The following DOC2A variants were observed in gnomAD, a reference collection of about 807,000 sequenced individuals.
The protein encoded by DOC2A is double C2 domain alpha.
In DOC2A, 28 loss-of-function variants were observed where a neutral mutation model predicts 40.6. That is an observed-to-expected ratio of 0.69 (90% CI 0.51 to 0.95). DOC2A has a LOEUF of 0.95. Ranked by LOEUF, DOC2A falls within the 40% of genes least tolerant of loss-of-function variation. The pLI is 0.00. For missense variants in DOC2A, 474 were observed against 552.5 expected, an observed-to-expected ratio of 0.86 and a Z score of 1.42; for synonymous variants, 241 against 236.9, an observed-to-expected ratio of 1.02 and a Z score of -0.16.
intron 1 of DOC2A, among the ~76,000 whole-genome samples, chr16:30,020,429 C>G (rs1047229206): frequency 2.0e-5 from 3 of 152,058 alleles, no homozygotes; most frequent in African/African-American, 7.2e-5. Context: ...TAGAAGTGAT[C>G]TGCATGGCGG....
At chr16:30,008,194 C>A (rs546313659) in intron 5 of DOC2A, 1 of 153,178 alleles carries the variant, frequency 6.5e-6, no homozygotes, top group Non-Finnish European at 1.5e-5. Context: ...CTCCCTACAT[C>A]TCCATCTCCT....
At position 30,006,134 on chromosome 16, in the gene DOC2A, G is replaced by A. The variant is rs957502122; in HGVS notation, c.*52C>T. On this transcript the variant is annotated 3_prime_UTR_variant, in exon 11 of 11. Coordinates refer to ENST00000350119, the MANE Select transcript of DOC2A (RefSeq NM_003586.3). The surrounding 1 kb of genome is among the most constrained non-coding windows in gnomAD (Gnocchi z 6.2). ...AAACGTGCAACACACTCGTGCGAAG[G>A]TTGGGTACTGGACCCGGCTCGATGG... 6.5e-6 allele frequency: 10 copies of A among 1,535,936 alleles called. No individual in the cohort carries two copies. In the African/African-American group the frequency reaches 1.2e-4, roughly 19 times the overall value.
chr16:30,005,551 T>G lies in DOC2A; in HGVS notation c.*635A>C. 9.4e-7 allele frequency: 1 copy of G among 1,060,254 alleles called. No individual in the cohort carries two copies. Among genetic ancestry groups the G allele is most frequent in the Non-Finnish European group, 1.4e-6 (1 of 719,556 alleles). 65.7% of individuals were successfully genotyped at this position (1,060,254 alleles called of 1,614,324 possible). A position where few individuals can be genotyped will look rare whatever the true frequency, so the allele number is the denominator to read the frequency against. On this transcript the variant is annotated 3_prime_UTR_variant, in exon 11 of 11. Coordinates refer to ENST00000350119, the MANE Select transcript of DOC2A (RefSeq NM_003586.3). ...GTTTATTGATGCCCAGCTGCCATGC[T>G]CCGGCCACTGACACAACCAGAAAAG...
intron 1 of DOC2A, among the ~76,000 whole-genome samples, chr16:30,020,075 A>AT (rs1444453860): frequency 1.3e-5 from 2 of 151,932 alleles, no homozygotes; most frequent in Non-Finnish European, 2.9e-5. Context: ...CACCCGGCTT[A>AT]TTTTTGTATT....
In DOC2A at chr16:30,010,238, A is replaced by G. The variant is rs372117296; in HGVS notation, c.-13-3T>C. On this transcript the variant is annotated splice_region_variant and splice_polypyrimidine_tract_variant and intron_variant, in intron 1 of 10. Transcript: ENST00000350119. The surrounding 1 kb of genome is among the most constrained non-coding windows in gnomAD (Gnocchi z 4.2). ...GGCCCCTCATGCAGCACCCCTGGCT[A>G]GGAGAGGGCGTGTGAGCCAGTGAGC... The G allele has an allele frequency of 3.1e-6, 5 of 1,613,016 alleles. No homozygotes were observed. The highest frequency in any genetic ancestry group is 1.3e-5 in the African/African-American group (1 of 74,930).
Position 30,006,922 on chromosome 16 carries a change from C to T in DOC2A, c.741G>A (p.Gly247=), listed in dbSNP as rs2070621517. ...GGATGCGGCCACGCTCCTCCAGCAG[C>T]CCCTGCCCCTGCTCCGCCTGCTCCA... ...KELEQAEQGQ[G]LLEERGRILL... is the part of the protein sequence containing the mutation. Residue 247 remains glycine, a synonymous_variant, in exon 8 of 11, where the codon GGG becomes GGA. Transcript: ENST00000350119. This position sits in a 1 kb window ranked among gnomAD's most constrained non-coding sequence, Gnocchi z 6.2. The T allele has an allele frequency of 1.2e-6, 2 of 1,613,120 alleles. No homozygotes were observed. Among genetic ancestry groups the T allele is most frequent in the Non-Finnish European group, 1.7e-6 (2 of 1,179,560 alleles).
chr16:30,008,530 T>A (rs1280467604), intron 5 of DOC2A: 1 of 177,734 alleles, frequency 5.6e-6, no homozygotes, highest in Non-Finnish European at 1.2e-5. Flanking sequence ...GTTTTTGAGA[T>A]GGAGTCTCCA....
chr16:30,009,912 G>A lies in DOC2A; in HGVS notation c.262+49C>T. ...TCCCCCTCTCCCCCCACCACGGCAA[G>A]CCTGGAGACCCCCACCAGCACATGG... On this transcript the variant is annotated intron_variant, in intron 2 of 10. Coordinates refer to ENST00000350119, the MANE Select transcript of DOC2A (RefSeq NM_003586.3). The surrounding 1 kb of genome is among the most constrained non-coding windows in gnomAD (Gnocchi z 4.1). The A allele has an allele frequency of 1.2e-6, 2 of 1,603,374 alleles. No homozygotes were observed. The highest frequency in any genetic ancestry group is 1.7e-6 in the Non-Finnish European group (2 of 1,175,646).
Position 30,006,412 on chromosome 16 carries a change from C to G in DOC2A, c.1057+1G>C. 3.7e-6 allele frequency: 6 copies of G among 1,613,842 alleles called. No individual in the cohort carries two copies. Among genetic ancestry groups the G allele is most frequent in the Non-Finnish European group, 5.1e-6 (6 of 1,179,958 alleles). On this transcript the variant is annotated splice_donor_variant, in intron 10 of 10. Coordinates refer to ENST00000350119, the MANE Select transcript of DOC2A (RefSeq NM_003586.3). LOFTEE classifies it high-confidence loss of function. This position sits in a 1 kb window ranked among gnomAD's most constrained non-coding sequence, Gnocchi z 6.2. The stretch of plus-strand genomic sequence containing the variant: ...ACACCCGCAGCCAGCTCCTCCCTCA[C>G]CAATGAAGTCATTGGATTTGCCAAT...
At chr16:30,015,836 G>A (rs894431701), upstream of DOC2A, among the ~76,000 whole-genome samples, 26 of 149,308 alleles carry the variant, frequency 1.7e-4, no homozygotes, top group African/African-American at 6.2e-4. Context: ...ATGTAGCTGG[G>A]ACTATAGGTA....
Position 30,006,294 on chromosome 16 carries a change from A to G in DOC2A, c.1095T>C (p.Ala365=). ...VSLGPGARGE[A]RKHWSDCLQQ... ...GCAGGCAGTCACTCCAGTGCTTCCG[A>G]GCCTCGCCTCGGGCACCTGGCCCCA... is the stretch of plus-strand genomic sequence containing the variant. The change falls in exon 11 of 11, where the codon GCT becomes GCC. Residue 365 remains alanine, a synonymous_variant. Coordinates refer to ENST00000350119, the MANE Select transcript of DOC2A (RefSeq NM_003586.3). The surrounding 1 kb of genome is among the most constrained non-coding windows in gnomAD (Gnocchi z 6.2). 1 of 1,610,576 alleles carries G rather than the reference A, an allele frequency of 6.2e-7. No individual in the cohort carries two copies. The highest frequency in any genetic ancestry group is 1.1e-5 in the South Asian group (1 of 90,870).
chr16:30,021,665 C>T (rs1189413751), upstream of DOC2A: 1 of 152,194 alleles, frequency 6.6e-6, no homozygotes, highest in Non-Finnish European at 1.5e-5. Context: ...CCCGGGAGTC[C>T]GCCCCGCTGC....
chr16:30,011,378 C>T, upstream of DOC2A: 1 of 985,294 alleles, frequency 1.0e-6, no homozygotes, highest in Non-Finnish European at 1.2e-6. Context: ...GGGCTCCCTG[C>T]GCCACCAGGA....
In DOC2A at chr16:30,009,858, CTA is replaced by C; in HGVS notation, c.262+101_262+102del. 1.4e-6 allele frequency: 2 copies of C among 1,411,108 alleles called. No individual in the cohort carries two copies. The highest frequency in any genetic ancestry group is 2.0e-6 in the Non-Finnish European group (2 of 1,012,210). 87.4% of individuals were successfully genotyped at this position (1,411,108 alleles called of 1,614,324 possible). On this transcript the variant is annotated intron_variant, in intron 2 of 10. Coordinates refer to ENST00000350119, the MANE Select transcript of DOC2A (RefSeq NM_003586.3). The surrounding 1 kb of genome is among the most constrained non-coding windows in gnomAD (Gnocchi z 4.1). ...GCCACCCCCCCACTGCCCTCCTCCC[CTA>C]CCTACATGCACAGCCAGCAGGGCCC...
chr16:30,010,312 G>A lies in DOC2A; in HGVS notation c.-13-77C>T. ...TGAGGGCCAGGCGACGGCCTCCTCG[G>A]TCTGTGGGGCCCTCACTGGCCTCCC... On this transcript the variant is annotated intron_variant, in intron 1 of 10. Coordinates refer to ENST00000350119, the MANE Select transcript of DOC2A (RefSeq NM_003586.3). This position sits in a 1 kb window ranked among gnomAD's most constrained non-coding sequence, Gnocchi z 4.2. The A allele has an allele frequency of 6.3e-7, 1 of 1,581,664 alleles. No homozygotes were observed. The highest frequency in any genetic ancestry group is 2.2e-5 in the East Asian group (1 of 44,768).
Position 30,006,895 on chromosome 16 carries a change from C to T in DOC2A, c.768G>A (p.Leu256=). The part of the protein sequence containing the change: ...QGLLEERGRI[L]LSLSYSSRRR... ...GCCGCGAGCTGTAGCTGAGACTCAGCAGGATGCGGCCACGCTCCTCCAGCA... is the reference window on the plus strand; with the variant it reads ...GCCGCGAGCTGTAGCTGAGACTCAGTAGGATGCGGCCACGCTCCTCCAGCA... The change falls in exon 8 of 11, where the codon CTG becomes CTA. Residue 256 remains leucine (L), a synonymous_variant. Transcript: ENST00000350119. This position sits in a 1 kb window ranked among gnomAD's most constrained non-coding sequence, Gnocchi z 6.2. 6.2e-7 allele frequency: 1 copy of T among 1,613,298 alleles called. No homozygotes were observed. The highest frequency in any genetic ancestry group is 8.5e-7 in the Non-Finnish European group (1 of 1,179,624).
rs1596692392 is a variant in DOC2A, at chr16:30,006,046, A to G, written c.*140T>C. ...ACTCCGCAGCCCCTCATGAGCAGAC[A>G]GACCCGGGTCACGGAGACTCACAAA... On this transcript the variant is annotated 3_prime_UTR_variant, in exon 11 of 11. Transcript: ENST00000350119. The surrounding 1 kb of genome is among the most constrained non-coding windows in gnomAD (Gnocchi z 6.2). 3 of 957,412 alleles carry G rather than the reference A, an allele frequency of 3.1e-6. No individual in the cohort carries two copies. The highest frequency in any genetic ancestry group is 2.9e-5 in the Admixed American group (1 of 34,924). 59.3% of individuals were successfully genotyped at this position (957,412 alleles called of 1,614,324 possible). A position where few individuals can be genotyped will look rare whatever the true frequency, so the allele number is the denominator to read the frequency against.
At position 30,006,649 on chromosome 16, in the gene DOC2A, A is replaced by G. The variant is rs767081640; in HGVS notation, c.907T>C (p.Ser303Pro). 1 of 1,613,042 alleles carries G rather than the reference A, an allele frequency of 6.2e-7. No homozygotes were observed. The highest frequency in any genetic ancestry group is 8.5e-7 in the Non-Finnish European group (1 of 1,179,816). ...TYLRPDVDKK[S>P]KHKTCVKKKT... ...TTCTTCACACACGTCTTATGCTTGG[A>G]TTTCTTGTCCACATCGGGCCTCAGG... The change falls in exon 9 of 11, where the codon TCC becomes CCC. Residue 303 changes from serine to proline, a missense_variant. By Grantham distance (74) the Ser-to-Pro change is moderately conservative. Transcript: ENST00000350119. The surrounding 1 kb of genome is among the most constrained non-coding windows in gnomAD (Gnocchi z 6.2).
At chr16:30,013,778 G>C (rs921191342), upstream of DOC2A, among the ~76,000 whole-genome samples, 3 of 150,196 alleles carry the variant, frequency 2.0e-5, no homozygotes, top group African/African-American at 7.4e-5. Flanking sequence ...GCAATGGTGC[G>C]ATCTTGGCTC....
Sources: allele counts gnomAD v4.1 joint callset (sites outside exome capture counted in the v4.1 genomes callset), GRCh38; gene constraint gnomAD v4.1.1; non-coding constraint Gnocchi (gnomAD v3.1); transcripts MANE v1.5; gene names NCBI Gene and HGNC (gene_info 2026-07-23, HGNC 2026-07-21).